The following RPS6KA2 variants were observed in gnomAD, a reference collection of about 807,000 sequenced individuals.
The protein encoded by RPS6KA2 is ribosomal protein S6 kinase alpha-2.
Under a neutral mutation model 91.8 loss-of-function variants are expected in RPS6KA2, and 42 were observed. That is an observed-to-expected ratio of 0.46 (90% CI 0.36 to 0.59). The LOEUF is 0.59. Ranked by LOEUF, RPS6KA2 falls within the 20% of genes least tolerant of loss-of-function variation. RPS6KA2 has a pLI of 0.00. For missense variants in RPS6KA2, 798 were observed against 978.5 expected (o/e 0.82, Z 2.46); for synonymous variants, 414 against 393.6 (o/e 1.05, Z -0.61).
At chr6:166,538,889 A>AT in intron 1 of RPS6KA2, 105 bp from the exon 2 acceptor site, 1 of 616,262 alleles carries the variant, frequency 1.6e-6, no homozygotes, top group East Asian at 2.6e-5. Flanking sequence ...TCTGTTACAG[A>AT]TTTTAGCGCT....
Position 166,756,627 on chromosome 6 carries a change from C to T in RPS6KA2, c.123+101573G>A, listed in dbSNP as rs191976168. On this transcript the variant is annotated intron_variant, in intron 2 of 21. Transcript: ENST00000503859. ...CTTTGGGAGGCCAAGGTGGGTGGAT[C>T]ACCTGAGGTCAGGAGTTCGAGACCA... 3.0e-3 allele frequency among the ~76,000 whole-genome samples: 464 copies of T among 152,192 alleles called. 3 individuals are homozygous for T. The highest frequency in any genetic ancestry group is 0.011 in the African/African-American group (443 of 41,538).
chr6:166,824,644 T>C (rs932276661), intron 2 of RPS6KA2, among the ~76,000 whole-genome samples: 43 of 62,840 alleles, frequency 6.8e-4, no homozygotes, highest in African/African-American at 1.5e-3. Flanking sequence ...TGTCTGTATG[T>C]CTGTGTGTGT....
intron 5 of RPS6KA2, among the ~76,000 whole-genome samples, chr6:166,505,374 A>G (rs1469046298): frequency 6.6e-6 from 1 of 152,158 alleles, no homozygotes; most frequent in Non-Finnish European, 1.5e-5. Flanking sequence ...ACAGACTCCA[A>G]AGCCATCGCC....
At chr6:166,731,289 G>T (rs1233705240) in intron 2 of RPS6KA2, among the ~76,000 whole-genome samples, 1 of 152,144 alleles carries the variant, frequency 6.6e-6, no homozygotes, top group Non-Finnish European at 1.5e-5. Context: ...GTTTTCCAAT[G>T]AAGAGGCAAG....
chr6:166,508,445 G>A lies in RPS6KA2; in HGVS notation c.380-163C>T, dbSNP rs573002127. On this transcript the variant is annotated intron_variant, in intron 4 of 20. Transcript: ENST00000265678. This position sits in a 1 kb window ranked among gnomAD's most constrained non-coding sequence, Gnocchi z 4.3. ...TGACCAGCTCAGAGGGGCAGCACCC[G>A]GCAGAGGGGGTCTGACACTGTGAGC... 4.1e-4 allele frequency among the ~76,000 whole-genome samples: 61 copies of A among 148,024 alleles called. No individual in the cohort carries two copies. Among genetic ancestry groups the A allele is most frequent in the Non-Finnish European group, 7.6e-4 (51 of 67,000 alleles).
At chr6:166,807,222 G>C (rs1779514311) in intron 2 of RPS6KA2, among the ~76,000 whole-genome samples, 2 of 152,120 alleles carry the variant, frequency 1.3e-5, no homozygotes, top group Admixed American at 6.5e-5. Context: ...GGATAAAAAA[G>C]ACATTTAGAC....
chr6:166,705,652 G>C (rs1474852428), intron 2 of RPS6KA2, among the ~76,000 whole-genome samples: 1 of 152,204 alleles, frequency 6.6e-6, no homozygotes, highest in East Asian at 1.9e-4. Flanking sequence ...AGTGGTATAA[G>C]ATTTGGAAGG....
intron 1 of RPS6KA2, among the ~76,000 whole-genome samples, chr6:166,614,291 C>T (rs1457730310): frequency 6.6e-6 from 1 of 152,258 alleles, no homozygotes; most frequent in Non-Finnish European, 1.5e-5. Flanking sequence ...GGCTGAACAT[C>T]TGGCTCTGGA....
In RPS6KA2 at chr6:166,467,037, CACTCATTCACTCACTCATTGACTCACTG is replaced by C. The variant is rs1214318349; in HGVS notation, c.972+2776_972+2803del. On this transcript the variant is annotated intron_variant, in intron 11 of 20. Coordinates refer to ENST00000265678, the MANE Select transcript of RPS6KA2 (RefSeq NM_021135.6). ...TCATTCACTCATTCATTCACTTCCTCACTCATTCACTCACTCATTGACTCACTGACTCATTCACTCACTCCCTCACTCA... is the reference window on the plus strand; with the variant it reads ...TCATTCACTCATTCATTCACTTCCTCACTCATTCACTCACTCCCTCACTCA... Among the ~76,000 whole-genome samples the C allele has an allele frequency of 3.4e-4, 52 of 152,140 alleles. No individual in the cohort carries two copies. The South Asian group carries it at 3.9e-3, about 12-fold the overall frequency.
At chr6:166,682,956 T>A (rs757558260) in intron 2 of RPS6KA2, among the ~76,000 whole-genome samples, 1 of 152,106 alleles carries the variant, frequency 6.6e-6, no homozygotes, top group African/African-American at 2.4e-5. Context: ...AAGGCATGAA[T>A]GAAGTAGGTA....
rs1003901749 is a variant in RPS6KA2, at chr6:166,635,490, A to G, written c.124-96706T>C. Among the ~76,000 whole-genome samples, 5 of 152,262 alleles carry G rather than the reference A, an allele frequency of 3.3e-5. No homozygotes were observed. Among genetic ancestry groups the G allele is most frequent in the Admixed American group, 3.3e-4 (5 of 15,294 alleles). ...AGGCTATGATGAGCAAGCGCCAGCC[A>G]GATACACAGGGACAGACAAGGGTGT... On this transcript the variant is annotated intron_variant, in intron 2 of 21. Transcript: ENST00000503859. The surrounding 1 kb of genome is among the most constrained non-coding windows in gnomAD (Gnocchi z 4.8).
At chr6:166,617,306 A>T (rs1786449401) in intron 1 of RPS6KA2, among the ~76,000 whole-genome samples, 1 of 152,216 alleles carries the variant, frequency 6.6e-6, no homozygotes, top group African/African-American at 2.4e-5. Flanking sequence ...AAATCTGTGC[A>T]TTTTAAAAAA....
In RPS6KA2 at chr6:166,626,823, C is replaced by A; in HGVS notation, c.99+98G>T. On this transcript the variant is annotated intron_variant, in intron 1 of 20. Transcript: ENST00000265678. The surrounding 1 kb of genome is among the most constrained non-coding windows in gnomAD (Gnocchi z 4.1). ...CTTTCCAGTAACTTGAACTCCCTGACGGGTCTCGGGGTCCACCCAGGGGTG... is the reference window on the plus strand; with the variant it reads ...CTTTCCAGTAACTTGAACTCCCTGAAGGGTCTCGGGGTCCACCCAGGGGTG... The A allele has an allele frequency of 1.0e-6, 1 of 997,702 alleles. No individual in the cohort carries two copies. Among genetic ancestry groups the A allele is most frequent in the South Asian group, 3.2e-5 (1 of 31,408 alleles). The allele number at this position is 997,702 out of a possible 1,614,324, so 61.8% of individuals were successfully genotyped here. A position where few individuals can be genotyped will look rare whatever the true frequency, so the allele number is the denominator to read the frequency against.
intron 1 of RPS6KA2, among the ~76,000 whole-genome samples, chr6:166,550,994 C>CAAAAAAAAAAAAAAAAAAAAAAAAAAA (rs58796308): frequency 4.7e-5 from 5 of 106,368 alleles, no homozygotes; most frequent in Non-Finnish European, 8.0e-5. Context: ...GACTCTATCT[C>CAAAAAAAAAAAAAAAAAAAAAAAAAAA]AAAAAAAAAA....
chr6:166,672,911 G>A (rs529105504), intron 2 of RPS6KA2, among the ~76,000 whole-genome samples: 9 of 152,294 alleles, frequency 5.9e-5, no homozygotes, highest in East Asian at 5.8e-4. Flanking sequence ...AGGAGGCTCC[G>A]CACTCTTCCG....
chr6:166,551,691 TA>T (rs367804739), intron 1 of RPS6KA2, among the ~76,000 whole-genome samples: 138 of 150,302 alleles, frequency 9.2e-4, no homozygotes, highest in South Asian at 2.3e-3. Context: ...AGCATTTTGT[TA>T]AAAAAAAAAT....
At chr6:166,701,129 G>C in intron 2 of RPS6KA2, 1 of 1,611,926 alleles carries the variant, frequency 6.2e-7, no homozygotes, top group Non-Finnish European at 8.5e-7. Context: ...CCACTTTGCA[G>C]AGCCTTCTGT....
intron 2 of RPS6KA2, among the ~76,000 whole-genome samples, chr6:166,741,073 A>C (rs1790798336): frequency 6.6e-6 from 1 of 152,246 alleles, no homozygotes; most frequent in Non-Finnish European, 1.5e-5. Context: ...GCTCATCCAA[A>C]GGGGTACAGA....
intron 2 of RPS6KA2, among the ~76,000 whole-genome samples, chr6:166,656,540 G>A (rs1231603291): frequency 6.6e-6 from 1 of 152,226 alleles, no homozygotes; most frequent in Non-Finnish European, 1.5e-5. Context: ...GCAGGGCCTC[G>A]GCAGGTGGGC....
Sources: gnomAD v4.1 joint callset for allele counts (sites outside exome capture counted in the v4.1 genomes callset) on GRCh38, gnomAD v4.1.1 for gene constraint, Gnocchi (gnomAD v3.1) non-coding constraint, MANE v1.5 for transcripts, NCBI Gene and HGNC (gene_info 2026-07-23, HGNC 2026-07-21) for gene names.